ARSB: variants seen among roughly 807,000 people sequenced by gnomAD.
The protein encoded by ARSB is arylsulfatase B.
In ARSB, 41 loss-of-function variants were observed where a neutral mutation model predicts 50.9. The ratio of observed to expected loss-of-function variants is 0.81; its 90% CI spans 0.63 to 1.04. The LOEUF (loss-of-function observed/expected upper bound fraction) is 1.04, where lower values mean the gene tolerates loss of function less well. Among genes scored for constraint, ARSB ranks in the 50% least tolerant of loss-of-function variants. The pLI, the probability that ARSB is intolerant of heterozygous loss-of-function variation, is 0.00. For synonymous variants in ARSB, 269 were observed against 284.8 expected (o/e 0.94, Z 0.56); for missense variants, 672 against 693.3 (o/e 0.97, Z 0.35).
At chr5:78,869,009 A>C (rs1449990955) in intron 5 of ARSB, among the ~76,000 whole-genome samples, 1 of 151,238 alleles carries the variant, frequency 6.6e-6, no homozygotes, top group Non-Finnish European at 1.5e-5. Flanking sequence ...CAGGGGTTGC[A>C]ATCCTAGTCT....
At chr5:78,848,114 A>T (rs892283656) in intron 5 of ARSB, among the ~76,000 whole-genome samples, 13 of 151,034 alleles carry the variant, frequency 8.6e-5, no homozygotes, top group Non-Finnish European at 1.3e-4. Flanking sequence ...CATGTGCACA[A>T]TGTGCAGGTT....
intron 4 of ARSB, among the ~76,000 whole-genome samples, chr5:78,916,724 G>A (rs1749561044): frequency 6.6e-6 from 1 of 152,150 alleles, no homozygotes; most frequent in African/African-American, 2.4e-5. Flanking sequence ...CAGGAATGGA[G>A]CAAAGAATGA....
At chr5:78,893,295 T>C (rs933165318) in intron 4 of ARSB, among the ~76,000 whole-genome samples, 17 of 152,202 alleles carry the variant, frequency 1.1e-4, no homozygotes, top group Non-Finnish European at 2.4e-4. Flanking sequence ...CTTGGGTATG[T>C]CTTTATCAGC....
intron 4 of ARSB, among the ~76,000 whole-genome samples, chr5:78,943,669 C>T (rs1751056670): frequency 6.6e-6 from 1 of 152,206 alleles, no homozygotes; most frequent in Non-Finnish European, 1.5e-5. Flanking sequence ...ATGGGCTTCC[C>T]TTTGTGGGTA....
chr5:78,837,328 A>C (rs538624897), intron 6 of ARSB, among the ~76,000 whole-genome samples: 1 of 152,300 alleles, frequency 6.6e-6, no homozygotes, highest in Admixed American at 6.5e-5. Context: ...AGAAAGTTTT[A>C]AAGCCATTCC....
chr5:78,938,175 A>G (rs1750726065), intron 4 of ARSB, among the ~76,000 whole-genome samples: 1 of 152,214 alleles, frequency 6.6e-6, no homozygotes, highest in Non-Finnish European at 1.5e-5. Flanking sequence ...TGGGACTACC[A>G]TCCCCAGCCC....
At chr5:78,985,424 G>A (rs1037410666), upstream of ARSB, 65 of 506,242 alleles carry the variant, frequency 1.3e-4, no homozygotes, top group African/African-American at 1.2e-3. Flanking sequence ...CCGGGCCCCC[G>A]GCTGCTGTGG....
chr5:78,844,706 T>C (rs1006204534), intron 5 of ARSB, among the ~76,000 whole-genome samples: 2 of 152,158 alleles, frequency 1.3e-5, no homozygotes, highest in African/African-American at 4.8e-5. Flanking sequence ...TTTTTGTGTA[T>C]GCTGTGAGGT....
intron 1 of ARSB, among the ~76,000 whole-genome samples, chr5:78,977,928 A>T (rs1007567260): frequency 1.3e-5 from 2 of 152,250 alleles, no homozygotes; most frequent in Admixed American, 6.5e-5. Context: ...TGAAAATAAA[A>T]TTAAGAAAGG....
chr5:78,857,418 T>C (rs1364161602), intron 5 of ARSB, among the ~76,000 whole-genome samples: 1 of 152,226 alleles, frequency 6.6e-6, no homozygotes, highest in African/African-American at 2.4e-5. Flanking sequence ...TTTAGCTGCA[T>C]GAGCTATACT....
At chr5:78,871,142 A>G (rs1747144059) in intron 5 of ARSB, among the ~76,000 whole-genome samples, 1 of 149,436 alleles carries the variant, frequency 6.7e-6, no homozygotes, top group South Asian at 2.2e-4. Context: ...AGAACTACAA[A>G]CCACTGCTCA....
chr5:78,781,863 G>A lies in ARSB; in HGVS notation c.1325C>T (p.Thr442Met), dbSNP rs1057520739. Residue 442 changes from threonine (T) to methionine (M), a missense_variant, in exon 7 of 8, where the codon ACG becomes ATG. Coordinates refer to ENST00000264914, the MANE Select transcript of ARSB (RefSeq NM_000046.5). ...GCTAAGGACTCTACCTGGGTAGCCCGTGAGGAGTTTCCAATTTCCATGTCT... is the reference window on the plus strand; with the variant it reads ...GCTAAGGACTCTACCTGGGTAGCCCATGAGGAGTTTCCAATTTCCATGTCT... ...AIRHGNWKLL[T>M]GYPGCGYWFP... 5 of 1,614,086 alleles carry A rather than the reference G, an allele frequency of 3.1e-6. No homozygotes were observed. Among genetic ancestry groups the A allele is most frequent in the Non-Finnish European group, 4.2e-6 (5 of 1,179,942 alleles).
intron 5 of ARSB, among the ~76,000 whole-genome samples, chr5:78,879,929 C>T (rs1384779514): frequency 6.6e-6 from 1 of 151,532 alleles, no homozygotes; most frequent in Non-Finnish European, 1.5e-5. Context: ...TTCCAGAAAA[C>T]AAGTCTTGAA....
chr5:78,972,449 A>G (rs1752489478), intron 1 of ARSB, among the ~76,000 whole-genome samples: 1 of 151,722 alleles, frequency 6.6e-6, no homozygotes, highest in South Asian at 2.1e-4. Flanking sequence ...ACCCTGAATG[A>G]TAAGGATGTT....
intron 1 of ARSB, among the ~76,000 whole-genome samples, 179 bp from the exon 2 acceptor site, chr5:78,969,371 A>G (rs1752349307): frequency 6.6e-6 from 1 of 152,188 alleles, no homozygotes; most frequent in African/African-American, 2.4e-5. Flanking sequence ...GAAGTAGTGG[A>G]CATAAACAGG....
intron 5 of ARSB, among the ~76,000 whole-genome samples, chr5:78,863,828 C>T (rs1381723486): frequency 6.6e-6 from 1 of 151,878 alleles, no homozygotes; most frequent in Non-Finnish European, 1.5e-5. Context: ...TTCCTATCAT[C>T]TTTATTTCAT....
At chr5:78,858,000 A>G (rs1746236450) in intron 5 of ARSB, among the ~76,000 whole-genome samples, 1 of 152,222 alleles carries the variant, frequency 6.6e-6, no homozygotes, top group South Asian at 2.1e-4. Flanking sequence ...GGTAGAGACA[A>G]GCTTGGCATG....
intron 1 of ARSB, among the ~76,000 whole-genome samples, chr5:78,982,650 A>G (rs944877703): frequency 6.6e-6 from 1 of 152,238 alleles, no homozygotes; most frequent in Admixed American, 6.5e-5. Flanking sequence ...GAGATGATAG[A>G]GTTGTTGTGA....
intron 6 of ARSB, among the ~76,000 whole-genome samples, chr5:78,813,916 G>A (rs1340008370): frequency 1.3e-5 from 2 of 152,104 alleles, no homozygotes; most frequent in Non-Finnish European, 2.9e-5. Context: ...TGCTGAAATT[G>A]TTTTCTAATA....
Sources: gnomAD v4.1 joint callset for allele counts (sites outside exome capture counted in the v4.1 genomes callset) on GRCh38, gnomAD v4.1.1 for gene constraint, MANE v1.5 for transcripts, NCBI Gene and HGNC (gene_info 2026-07-23, HGNC 2026-07-21) for gene names.